SIPA1L3: variants seen among roughly 807,000 people sequenced by gnomAD.
The protein encoded by SIPA1L3 is signal induced proliferation associated 1 like 3.
Under a neutral mutation model 150.1 loss-of-function variants are expected in SIPA1L3, and 59 were observed. That is an observed-to-expected ratio of 0.39 (90% CI 0.32 to 0.49). SIPA1L3 has a LOEUF of 0.49. Among genes scored for constraint, SIPA1L3 ranks in the 20% least tolerant of loss-of-function variants. The pLI, the probability that SIPA1L3 is intolerant of heterozygous loss-of-function variation, is 0.86. For synonymous variants in SIPA1L3, 1,070 were observed against 1,077.6 expected, an observed-to-expected ratio of 0.99 and a Z score of 0.14; for missense variants, 2,211 against 2,489.5, an observed-to-expected ratio of 0.89 and a Z score of 2.38.
intron 15 of SIPA1L3, among the ~76,000 whole-genome samples, chr19:38,168,302 C>T (rs774628150): frequency 6.6e-5 from 10 of 151,792 alleles, no homozygotes; most frequent in Middle Eastern, 3.4e-3. Flanking sequence ...CAGGAGAATC[C>T]CTTGAACCTG....
At chr19:37,988,136 A>G (rs1967408614) in intron 1 of SIPA1L3, among the ~76,000 whole-genome samples, 1 of 152,152 alleles carries the variant, frequency 6.6e-6, no homozygotes, top group South Asian at 2.1e-4. Context: ...CTCTGCACTC[A>G]GCCAGGTGGG....
intron 8 of SIPA1L3, among the ~76,000 whole-genome samples, chr19:38,116,825 G>T (rs1193113974): frequency 6.6e-6 from 1 of 152,166 alleles, no homozygotes; most frequent in Non-Finnish European, 1.5e-5. Context: ...CTGCACTCCA[G>T]CCTGGGCGAC....
At chr19:38,098,300 A>T (rs1321789392) in intron 4 of SIPA1L3, among the ~76,000 whole-genome samples, 1 of 151,828 alleles carries the variant, frequency 6.6e-6, no homozygotes, top group African/African-American at 2.4e-5. Context: ...CTCTTTCCTC[A>T]TGATTGCAAT....
chr19:38,123,840 G>A (rs1475096968), intron 9 of SIPA1L3, among the ~76,000 whole-genome samples: 1 of 128,964 alleles, frequency 7.8e-6, no homozygotes. Flanking sequence ...AGTAGGGGTG[G>A]CCGGGCAGAG....
At chr19:38,178,089 GTGTGTGT>G (rs1972476923) in intron 15 of SIPA1L3, among the ~76,000 whole-genome samples, 2 of 8,092 alleles carry the variant, frequency 2.5e-4, no homozygotes, top group South Asian at 4.4e-3. Flanking sequence ...GGCTTTTGGT[GTGTGTGT>G]GTGTGTGTGT....
intron 1 of SIPA1L3, among the ~76,000 whole-genome samples, chr19:37,939,574 A>G (rs765073936): frequency 2.6e-5 from 4 of 152,162 alleles, no homozygotes; most frequent in Non-Finnish European, 5.9e-5. Context: ...TTCTGGCTCC[A>G]CCACCTGTAT....
At chr19:38,080,885 A>C (rs1426317332) in intron 2 of SIPA1L3, among the ~76,000 whole-genome samples, 3 of 151,846 alleles carry the variant, frequency 2.0e-5, no homozygotes, top group Non-Finnish European at 4.4e-5. Context: ...CAGGAGAATC[A>C]TTCGAACCTT....
chr19:37,967,230 G>A (rs1001280636), intron 1 of SIPA1L3, among the ~76,000 whole-genome samples: 2 of 151,376 alleles, frequency 1.3e-5, no homozygotes, highest in Non-Finnish European at 2.9e-5. Context: ...CTCCCTGTGT[G>A]TGTCCATGTG....
chr19:38,098,638 G>T (rs756609853), intron 4 of SIPA1L3, among the ~76,000 whole-genome samples: 1 of 151,964 alleles, frequency 6.6e-6, no homozygotes, highest in African/African-American at 2.4e-5. Flanking sequence ...CAAGTGGTCC[G>T]CCCGCCTCGG....
chr19:38,162,389 C>T lies in SIPA1L3; in HGVS notation c.3780+18C>T. 1.9e-6 allele frequency: 3 copies of T among 1,596,572 alleles called. No homozygotes were observed. Among genetic ancestry groups the T allele is most frequent in the Non-Finnish European group, 2.6e-6 (3 of 1,164,334 alleles). ...ATTCCAAAGTGAGTCTGGGCCCCACCCTGCCCTACCGGGGGAGCCAGGCCT... is the reference window on the plus strand; with the variant it reads ...ATTCCAAAGTGAGTCTGGGCCCCACTCTGCCCTACCGGGGGAGCCAGGCCT... On this transcript the variant is annotated intron_variant, in intron 14 of 21. Coordinates refer to ENST00000222345, the MANE Select transcript of SIPA1L3 (RefSeq NM_015073.3).
At chr19:37,909,936 A>G (rs2046364517) in intron 1 of SIPA1L3, among the ~76,000 whole-genome samples, 1 of 151,418 alleles carries the variant, frequency 6.6e-6, no homozygotes, top group East Asian at 1.9e-4. Flanking sequence ...AAATTTACCT[A>G]AGCATTTTGC....
rs1366624122 is a variant in SIPA1L3 at position 38,100,018 on chromosome 19, T to C, written c.1722T>C (p.His574=). The C allele has an allele frequency of 6.2e-7, 1 of 1,610,922 alleles. No homozygotes were observed. The highest frequency in any genetic ancestry group is 1.3e-5 in the African/African-American group (1 of 74,722). The part of the protein sequence containing the change: ...LEDATPTATK[H]GTGRGLPLKD... ...ATGCTACGCCCACAGCCACCAAGCA[T>C]GGGACCGGGCGGGGCCTGCCCTTGA... Residue 574 remains histidine (H), a synonymous_variant, in exon 5 of 22, where the codon CAT becomes CAC. Transcript: ENST00000222345.
intron 1 of SIPA1L3, among the ~76,000 whole-genome samples, chr19:37,916,228 T>C (rs988649017): frequency 2.0e-5 from 3 of 151,868 alleles, no homozygotes; most frequent in Admixed American, 2.0e-4. Flanking sequence ...GGTTTTACCA[T>C]GTTGGCCAGG....
At chr19:38,074,500 G>C (rs540208471) in intron 2 of SIPA1L3, among the ~76,000 whole-genome samples, 265 of 152,360 alleles carry the variant, frequency 1.7e-3, no homozygotes, top group Admixed American at 3.3e-3. Flanking sequence ...GGGCTGCTGA[G>C]GACAGGCAGC....
chr19:38,138,828 G>A lies in SIPA1L3; in HGVS notation c.3144-2356G>A, dbSNP rs550493745. On this transcript the variant is annotated intron_variant, in intron 10 of 21. Transcript: ENST00000222345. ...CAGGAGAATCGCTTGAACCTGGGAG[G>A]CAGAGGTTGCAGTGAGCCGAGATCG... Among the ~76,000 whole-genome samples the A allele has an allele frequency of 1.1e-3, 158 of 149,108 alleles. 1 individual carries two copies. The highest frequency in any genetic ancestry group is 3.2e-3 in the African/African-American group (130 of 40,172).
chr19:37,990,343 A>G (rs1967472127), intron 1 of SIPA1L3, among the ~76,000 whole-genome samples: 1 of 152,138 alleles, frequency 6.6e-6, no homozygotes, highest in East Asian at 1.9e-4. Context: ...ATTCCTATGT[A>G]TCTTTTTGGG....
At chr19:37,940,508 G>A (rs564373484) in intron 1 of SIPA1L3, among the ~76,000 whole-genome samples, 3 of 152,088 alleles carry the variant, frequency 2.0e-5, no homozygotes, top group East Asian at 3.9e-4. Context: ...TCTGGTATCC[G>A]CACAGTGTTA....
At chr19:38,050,474 A>AAC (rs1969167314) in intron 2 of SIPA1L3, among the ~76,000 whole-genome samples, 2 of 151,920 alleles carry the variant, frequency 1.3e-5, no homozygotes, top group Non-Finnish European at 2.9e-5. Flanking sequence ...ACAACAACAA[A>AAC]AAAACAGCGC....
intron 4 of SIPA1L3, among the ~76,000 whole-genome samples, chr19:38,089,185 G>A (rs1970206974): frequency 6.6e-6 from 1 of 151,986 alleles, no homozygotes; most frequent in South Asian, 2.1e-4. Flanking sequence ...AGGTGTGGTA[G>A]CACGCGCCTG....
Sources: allele counts gnomAD v4.1 joint callset (sites outside exome capture counted in the v4.1 genomes callset), GRCh38; gene constraint gnomAD v4.1.1; transcripts MANE v1.5; gene names NCBI Gene and HGNC (gene_info 2026-07-23, HGNC 2026-07-21).